The following DENND4A variants were observed in gnomAD, a reference collection of about 807,000 sequenced individuals.
DENND4A encodes the protein DENN domain containing 4A, also known as C-myc promoter-binding protein.
In DENND4A, 70 loss-of-function variants were observed where a neutral mutation model predicts 199.3. That is an observed-to-expected ratio of 0.35 (90% CI 0.29 to 0.43). DENND4A has a LOEUF of 0.43. DENND4A is among the 20% of genes least tolerant of loss of function. DENND4A has a pLI of 1.00. For synonymous variants in DENND4A, 686 were observed against 766.9 expected (o/e 0.89, Z 1.74); for missense variants, 1,723 against 2,255.8 (o/e 0.76, Z 4.78).
In DENND4A at chr15:65,670,111, T is replaced by C; in HGVS notation, c.4542A>G (p.Thr1514=). Residue 1514 remains threonine, a synonymous_variant, in exon 26 of 33, where the codon ACA becomes ACG. Transcript: ENST00000443035. ...TAGTATTGAGATTTGAATCATCTGC[T>C]GTCCAGCCAGCCATGATTTCCTCAT... The part of the protein sequence containing the change: ...VHDEEIMAGW[T]ADDSNLNTTC... 6.2e-7 allele frequency: 1 copy of C among 1,603,184 alleles called. No individual in the cohort carries two copies. The highest frequency in any genetic ancestry group is 8.5e-7 in the Non-Finnish European group (1 of 1,174,382).
intron 1 of DENND4A, among the ~76,000 whole-genome samples, chr15:65,763,128 T>C (rs1305344472): frequency 1.3e-5 from 2 of 152,120 alleles, no homozygotes; most frequent in Non-Finnish European, 2.9e-5. Context: ...CCAAGCACTA[T>C]AGGTTAGCTT....
intron 1 of DENND4A, among the ~76,000 whole-genome samples, chr15:65,790,750 T>C (rs2077695091): frequency 6.6e-6 from 1 of 152,352 alleles, no homozygotes; most frequent in South Asian, 2.1e-4. Flanking sequence ...CTCAGAAATT[T>C]TGTATACTTA....
chr15:65,766,278 A>C (rs1279132633), intron 1 of DENND4A, among the ~76,000 whole-genome samples: 1 of 151,978 alleles, frequency 6.6e-6, no homozygotes, highest in Non-Finnish European at 1.5e-5. Context: ...ATAGATGCAG[A>C]AACAAACCAA....
rs753517156 is a variant in DENND4A at position 65,664,705 on chromosome 15, C to T, written c.5377G>A (p.Val1793Ile). Residue 1793 changes from valine to isoleucine, a missense_variant, in exon 31 of 33, where the codon GTC becomes ATC. Val to Ile is a conservative substitution (Grantham distance 29, BLOSUM62 3). This residue lies in a region of DENND4A where 164 missense variants were observed against 280.1 expected (regional missense o/e 0.59). Coordinates refer to ENST00000443035, the MANE Select transcript of DENND4A (RefSeq NM_001320835.1). ...TTATCACTTTTTTGCAATAAATGGACCATTGGATATTTTTGGGCTGTAAAC... is the reference window on the plus strand; with the variant it reads ...TTATCACTTTTTTGCAATAAATGGATCATTGGATATTTTTGGGCTGTAAAC... Reference protein sequence around the residue: ...WNAHTQKYPMVHLLQKSDNSF... With the variant: ...WNAHTQKYPMIHLLQKSDNSF... 1.2e-6 allele frequency: 2 copies of T among 1,611,400 alleles called. No individual in the cohort carries two copies. The highest frequency in any genetic ancestry group is 1.1e-5 in the South Asian group (1 of 90,766).
intron 32 of DENND4A, among the ~76,000 whole-genome samples, chr15:65,663,598 G>A (rs1162960068): frequency 6.6e-6 from 1 of 151,988 alleles, no homozygotes; most frequent in East Asian, 1.9e-4. Flanking sequence ...CTCTGCCCCT[G>A]GTAGCATTAC....
intron 14 of DENND4A, among the ~76,000 whole-genome samples, chr15:65,707,176 A>T (rs1296466863): frequency 6.6e-6 from 1 of 152,144 alleles, no homozygotes; most frequent in African/African-American, 2.4e-5. Context: ...TCCACTAGAT[A>T]CTCGATAGCA....
intron 5 of DENND4A, among the ~76,000 whole-genome samples, chr15:65,739,134 C>A (rs2076184872): frequency 6.6e-6 from 1 of 152,122 alleles, no homozygotes; most frequent in Non-Finnish European, 1.5e-5. Context: ...AAAAAGATAT[C>A]CTATAGAAAT....
chr15:65,712,373 A>C (rs1463100004), intron 14 of DENND4A, among the ~76,000 whole-genome samples: 1 of 152,206 alleles, frequency 6.6e-6, no homozygotes, highest in Admixed American at 6.5e-5. Context: ...TTAAAGGCAA[A>C]AACAGTCATA....
chr15:65,725,695 A>AT (rs1043892678), intron 11 of DENND4A, among the ~76,000 whole-genome samples: 20 of 151,158 alleles, frequency 1.3e-4, no homozygotes, highest in African/African-American at 3.9e-4. Context: ...AAAATAAAAA[A>AT]AATAAAAAAA....
At chr15:65,739,023 T>TACCAA in intron 5 of DENND4A, 148 bp from the exon 6 acceptor site, 1 of 549,292 alleles carries the variant, frequency 1.8e-6, no homozygotes, top group Non-Finnish European at 3.0e-6. Context: ...AATACTTTGG[T>TACCAA]AGGATTCATA....
At chr15:65,692,267 T>C (rs192050982) in intron 22 of DENND4A, among the ~76,000 whole-genome samples, 153 of 152,332 alleles carry the variant, frequency 1.0e-3, no homozygotes, top group Non-Finnish European at 1.8e-3. Flanking sequence ...TTGCTTAACA[T>C]ATTGATTGCA....
chr15:65,710,208 A>C (rs2142304539), intron 14 of DENND4A, among the ~76,000 whole-genome samples: 1 of 152,338 alleles, frequency 6.6e-6, no homozygotes, highest in East Asian at 1.9e-4. Flanking sequence ...AAATCATGTG[A>C]CTTAGCTAGG....
chr15:65,686,348 A>C (rs1241152242), intron 23 of DENND4A, among the ~76,000 whole-genome samples: 1 of 152,180 alleles, frequency 6.6e-6, no homozygotes, highest in Non-Finnish European at 1.5e-5. Context: ...TTGAGTGTAT[A>C]TTCTATAAAT....
chr15:65,786,502 G>A (rs1487511039), intron 1 of DENND4A, among the ~76,000 whole-genome samples: 1 of 151,974 alleles, frequency 6.6e-6, no homozygotes, highest in Admixed American at 6.6e-5. Flanking sequence ...GGCCAAGGCG[G>A]TAGGATTGCT....
chr15:65,720,979 A>ATATT (rs1212096687), intron 12 of DENND4A, among the ~76,000 whole-genome samples: 2 of 110,076 alleles, frequency 1.8e-5, no homozygotes, highest in African/African-American at 6.4e-5. Flanking sequence ...ATATATATAT[A>ATATT]TATTTGTACT....
chr15:65,686,388 T>C (rs1252901280), intron 23 of DENND4A, among the ~76,000 whole-genome samples: 1 of 152,232 alleles, frequency 6.6e-6, no homozygotes, highest in Non-Finnish European at 1.5e-5. Flanking sequence ...CTGATTGTGT[T>C]GCTGAGATTT....
intron 23 of DENND4A, among the ~76,000 whole-genome samples, chr15:65,678,896 G>T (rs186118774): frequency 6.6e-6 from 1 of 151,932 alleles, no homozygotes; most frequent in Non-Finnish European, 1.5e-5. Flanking sequence ...TCACCATGTT[G>T]CCCAGGCTGG....
intron 14 of DENND4A, among the ~76,000 whole-genome samples, chr15:65,708,051 C>A (rs978747985): frequency 3.3e-5 from 5 of 151,990 alleles, no homozygotes; most frequent in African/African-American, 1.2e-4. Context: ...GGCTAAAATG[C>A]CATGATGCAA....
chr15:65,737,050 T>A lies in DENND4A; in HGVS notation c.1040+657A>T, dbSNP rs546963973. ...TAATTTCTCCTTTACATTCATTATA[T>A]GTAAATACGGTAAGGAAATTTTTTT... On this transcript the variant is annotated intron_variant, in intron 7 of 32. Transcript: ENST00000443035. Among the ~76,000 whole-genome samples, 13 of 152,348 alleles carry A rather than the reference T, an allele frequency of 8.5e-5. No individual in the cohort carries two copies. In the East Asian group the frequency reaches 2.3e-3, roughly 27 times the overall value.
Sources: allele counts gnomAD v4.1 joint callset (sites outside exome capture counted in the v4.1 genomes callset), GRCh38; gene constraint gnomAD v4.1.1; regional missense constraint gnomAD v4.1.1; transcripts MANE v1.5; gene names NCBI Gene and HGNC (gene_info 2026-07-23, HGNC 2026-07-21).